COG3: variants seen among roughly 807,000 people sequenced by gnomAD.
COG3 encodes component of oligomeric golgi complex 3, also known as conserved oligomeric Golgi complex subunit 3.
COG3 carries 32 observed loss-of-function variants against 114.1 expected under a neutral mutation model. That is an observed-to-expected ratio of 0.28 (90% CI 0.21 to 0.38). The LOEUF (loss-of-function observed/expected upper bound fraction) is 0.38. Among genes scored for constraint, COG3 ranks in the 10% least tolerant of loss-of-function variants. The probability of loss-of-function intolerance (pLI) is 1.00; values close to 1 mark genes in which losing one functional copy is unlikely to be tolerated. For missense variants in COG3, 813 were observed against 973.2 expected (o/e 0.84, Z 2.19); for synonymous variants, 352 against 365.7 (o/e 0.96, Z 0.43).
intron 15 of COG3, among the ~76,000 whole-genome samples, chr13:45,511,472 G>A (rs1870854075): frequency 6.6e-6 from 1 of 152,228 alleles, no homozygotes; most frequent in Non-Finnish European, 1.5e-5. Context: ...GCTCCGTGAG[G>A]TCAGAACCAT....
Position 45,519,111 on chromosome 13 carries a change from C to G in COG3, c.2154+17C>G, listed in dbSNP as rs1411735109. ...ATGACAAAGGTATAGACCTTGGTGC[C>G]TATGTGGTAAAGTCATTTTGCATTC... On this transcript the variant is annotated intron_variant, in intron 19 of 22. Transcript: ENST00000349995. The G allele has an allele frequency of 1.2e-6, 2 of 1,611,360 alleles. No individual in the cohort carries two copies. The highest frequency in any genetic ancestry group is 1.7e-6 in the Non-Finnish European group (2 of 1,179,362).
intron 5 of COG3, 67 bp downstream of exon 5, chr13:45,481,371 C>CATCTTTTA (rs1886239340): frequency 1.2e-6 from 1 of 814,820 alleles, no homozygotes; most frequent in Admixed American, 2.3e-5. Flanking sequence ...TTCTTCGTGT[C>CATCTTTTA]ATCTTTTAAT....
Position 45,534,819 on chromosome 13 carries a change from A to T in COG3, c.*88A>T. 2.1e-6 allele frequency: 3 copies of T among 1,424,380 alleles called. No individual in the cohort carries two copies. Among genetic ancestry groups the T allele is most frequent in the South Asian group, 1.6e-5 (1 of 63,490 alleles). 88.2% of individuals were successfully genotyped at this position (1,424,380 alleles called of 1,614,324 possible). A position where few individuals can be genotyped will look rare whatever the true frequency, so the allele number is the denominator to read the frequency against. Reference sequence around the variant, plus strand: ...AGTCTGCAGGACACCGAGGAATCGTATGTGGGAACGTCCCCGAGAACCACA... The same window carrying T: ...AGTCTGCAGGACACCGAGGAATCGTTTGTGGGAACGTCCCCGAGAACCACA... On this transcript the variant is annotated 3_prime_UTR_variant, in exon 23 of 23. Coordinates refer to ENST00000349995, the MANE Select transcript of COG3 (RefSeq NM_031431.4).
At chr13:45,482,524 C>A in intron 6 of COG3, 51 bp downstream of exon 6, 1 of 854,894 alleles carries the variant, frequency 1.2e-6, no homozygotes, top group Non-Finnish European at 1.9e-6. Flanking sequence ...GATTCCTATT[C>A]CTGTTCCTAT....
At chr13:45,491,968 A>C (rs1302206146) in intron 10 of COG3, among the ~76,000 whole-genome samples, 191 bp from the exon 11 acceptor site, 5 of 152,228 alleles carry the variant, frequency 3.3e-5, no homozygotes, top group Admixed American at 6.5e-5. Context: ...CTAAAGCATT[A>C]AGAAACTAAA....
intron 19 of COG3, among the ~76,000 whole-genome samples, chr13:45,521,898 G>A (rs1316143015): frequency 2.7e-5 from 4 of 150,854 alleles, no homozygotes; most frequent in Non-Finnish European, 4.4e-5. Context: ...TGCCTCCCGG[G>A]TCCAAGCAAT....
At chr13:45,514,938 G>A (rs1247935005) in intron 16 of COG3, among the ~76,000 whole-genome samples, 1 of 152,160 alleles carries the variant, frequency 6.6e-6, no homozygotes, top group African/African-American at 2.4e-5. Context: ...GTGAGCCACC[G>A]CGCCTGGCCA....
intron 20 of COG3, among the ~76,000 whole-genome samples, chr13:45,525,633 G>GTTTTTTTTTTTTT (rs1566273037): frequency 1.7e-3 from 24 of 13,904 alleles, no homozygotes; most frequent in African/African-American, 8.4e-3. Flanking sequence ...GAGGGCTTTG[G>GTTTTTTTTTTTTT]GTTTTTTTTT....
chr13:45,485,206 C>G (rs1305920792), intron 7 of COG3, among the ~76,000 whole-genome samples: 1 of 131,980 alleles, frequency 7.6e-6, no homozygotes, highest in African/African-American at 2.8e-5. Flanking sequence ...ACCTCCCGGA[C>G]GGGGCGGCTG....
At position 45,465,112 on chromosome 13, in the gene COG3, G is replaced by T. The variant is rs1305806207; in HGVS notation, c.76G>T (p.Asp26Tyr). 6.2e-7 allele frequency: 1 copy of T among 1,612,998 alleles called. No individual in the cohort carries two copies. Among genetic ancestry groups the T allele is most frequent in the Non-Finnish European group, 8.5e-7 (1 of 1,179,778 alleles). ...RDAREKLALW[D>Y]RRPDTTAPLT... is the part of the protein sequence containing the mutation. ...CGCTAGGGAAAAGCTGGCTCTCTGG[G>T]ATCGGAGACCGGACACGACGGCGCC... Residue 26 changes from aspartate (D) to tyrosine (Y), a missense_variant, in exon 1 of 23, where the codon GAT (aspartate) becomes TAT (tyrosine). Coordinates refer to ENST00000349995, the MANE Select transcript of COG3 (RefSeq NM_031431.4).
At chr13:45,507,124 A>C (rs887689470) in intron 14 of COG3, among the ~76,000 whole-genome samples, 2 of 152,214 alleles carry the variant, frequency 1.3e-5, no homozygotes, top group African/African-American at 4.8e-5. Context: ...AGGAAAGGGA[A>C]AAAATGAACA....
chr13:45,488,638 T>G (rs1253896894), intron 8 of COG3, among the ~76,000 whole-genome samples: 1 of 151,958 alleles, frequency 6.6e-6, no homozygotes, highest in Non-Finnish European at 1.5e-5. Flanking sequence ...ATTAATGCAT[T>G]GGTAGGATAT....
chr13:45,480,311 G>A (rs1312032582), intron 4 of COG3, 21 bp downstream of exon 4: 2 of 1,523,400 alleles, frequency 1.3e-6, no homozygotes, highest in African/African-American at 1.4e-5. Flanking sequence ...GTAAGAGAGA[G>A]GATCAGTCAT....
intron 7 of COG3, among the ~76,000 whole-genome samples, 155 bp from the exon 8 acceptor site, chr13:45,486,340 G>GGGAGAC (rs771972555): frequency 0.022 from 114 of 5,124 alleles, 8 homozygotes; most frequent in Non-Finnish European, 0.062. Context: ...GACGGGAGAC[G>GGGAGAC]GGAGAGGGAG....
chr13:45,476,224 T>TCA lies in COG3; in HGVS notation c.198_199insCA (p.Leu67HisfsTer2), dbSNP rs1218438635. 11 of 1,614,040 alleles carry TCA rather than the reference T, an allele frequency of 6.8e-6. No individual in the cohort carries two copies. The South Asian group carries it at 1.2e-4, about 18-fold the overall frequency. Reference sequence around the variant, plus strand: ...AGCTTCCAATTGAAGACTTGTGCAGTTTAACATCCCAGTCACTGCCCATTG... The same window carrying TCA: ...AGCTTCCAATTGAAGACTTGTGCAGTCATTAACATCCCAGTCACTGCCCATTG... On this transcript the variant is annotated frameshift_variant, in exon 2 of 23. Transcript: ENST00000349995. LOFTEE classifies it high-confidence loss of function.
chr13:45,521,995 G>A (rs1872208252), intron 19 of COG3, among the ~76,000 whole-genome samples: 1 of 151,968 alleles, frequency 6.6e-6, no homozygotes, highest in Non-Finnish European at 1.5e-5. Context: ...TGTAGAGACG[G>A]GGTTTCACCA....
chr13:45,507,111 C>T (rs1293320695), intron 14 of COG3, among the ~76,000 whole-genome samples: 1 of 152,088 alleles, frequency 6.6e-6, no homozygotes, highest in African/African-American at 2.4e-5. Flanking sequence ...GTATTAGTTA[C>T]ATAGGAAAGG....
Position 45,534,964 on chromosome 13 carries a change from C to T in COG3, c.*233C>T. The T allele has an allele frequency of 8.1e-7, 1 of 1,237,616 alleles. No individual in the cohort carries two copies. Among genetic ancestry groups the T allele is most frequent in the Non-Finnish European group, 1.0e-6 (1 of 991,730 alleles). The allele number at this position is 1,237,616 out of a possible 1,614,324, so 76.7% of individuals were successfully genotyped here. ...TTAATCTGTGATTGGTGATAACTGC[C>T]TCGTTTAAATGGTCACAAGAAATGT... On this transcript the variant is annotated 3_prime_UTR_variant, in exon 23 of 23. Transcript: ENST00000349995.
At chr13:45,526,222 A>G (rs1338028720) in intron 20 of COG3, among the ~76,000 whole-genome samples, 5 of 149,898 alleles carry the variant, frequency 3.3e-5, no homozygotes, top group Non-Finnish European at 7.4e-5. Context: ...AGTAGCTGGG[A>G]TTACAGGCAC....
Sources: allele counts gnomAD v4.1 joint callset (sites outside exome capture counted in the v4.1 genomes callset), GRCh38; gene constraint gnomAD v4.1.1; transcripts MANE v1.5; gene names NCBI Gene and HGNC (gene_info 2026-07-23, HGNC 2026-07-21).